The following FREM1 variants were observed in gnomAD, a reference collection of about 807,000 sequenced individuals.
The protein encoded by FREM1 is FRAS1 related extracellular matrix 1.
Under a neutral mutation model 210.1 loss-of-function variants are expected in FREM1, and 220 were observed. That is an observed-to-expected ratio of 1.05 (90% confidence interval 0.94 to 1.17). The LOEUF (loss-of-function observed/expected upper bound fraction) is 1.17. Ranked by LOEUF, FREM1 falls within the 50% of genes most tolerant of loss-of-function variation. FREM1 has a pLI of 0.00. For synonymous variants in FREM1, 1,189 were observed against 980.2 expected, an observed-to-expected ratio of 1.21 and a Z score of -3.98; for missense variants, 3,454 against 2,675.5, an observed-to-expected ratio of 1.29 and a Z score of -6.42.
At chr9:14,814,818 A>C (rs1008454208) in intron 15 of FREM1, among the ~76,000 whole-genome samples, 4 of 152,202 alleles carry the variant, frequency 2.6e-5, no homozygotes, top group African/African-American at 9.6e-5. Flanking sequence ...CTTGTCAAAA[A>C]ATTGGCTGTG....
In FREM1 at chr9:14,792,826, A is replaced by C; in HGVS notation, c.3898T>G (p.Ser1300Ala). The C allele has an allele frequency of 6.2e-7, 1 of 1,603,270 alleles. No homozygotes were observed. Among genetic ancestry groups the C allele is most frequent in the Non-Finnish European group, 8.5e-7 (1 of 1,173,766 alleles). ...ETRIISSAIL[S>A]AIDEDSPREK... ...CTGGGTGAGTCTTCATCTATGGCTGAAAGAATAGCACTGGAAATAATACGA... is the reference window on the plus strand; with the variant it reads ...CTGGGTGAGTCTTCATCTATGGCTGCAAGAATAGCACTGGAAATAATACGA... Residue 1300 changes from serine (S) to alanine (A), a missense_variant, in exon 22 of 37, where the codon TCA (serine) becomes GCA (alanine). Coordinates refer to ENST00000380880, the MANE Select transcript of FREM1 (RefSeq NM_001379081.2).
Position 14,776,090 on chromosome 9 carries a change from T to C in FREM1, c.4556A>G (p.Gln1519Arg), listed in dbSNP as rs1848517239. ...AGGGGAAAGCAGGCCCACGGCCCCT[T>C]GGGCCAGTCTCAACCCCTTGTTCCT... ...VTRNKGLRLA[Q>R]GAVGLLSPDL... The change falls in exon 25 of 37, where the codon CAA becomes CGA. Residue 1519 changes from glutamine to arginine, a missense_variant. Physicochemically the swap from Gln to Arg is conservative, Grantham distance 43. Coordinates refer to ENST00000380880, the MANE Select transcript of FREM1 (RefSeq NM_001379081.2). The C allele has an allele frequency of 6.2e-7, 1 of 1,611,156 alleles. No homozygotes were observed. Among genetic ancestry groups the C allele is most frequent in the African/African-American group, 1.3e-5 (1 of 75,014 alleles).
chr9:14,806,956 C>CA, intron 17 of FREM1, 110 bp from the exon 18 acceptor site: 1 of 567,930 alleles, frequency 1.8e-6, no homozygotes, highest in Non-Finnish European at 3.0e-6. Flanking sequence ...CTCCCACGTG[C>CA]AAAAACATTT....
chr9:14,867,581 G>A (rs1205168965), intron 2 of FREM1, among the ~76,000 whole-genome samples: 1 of 152,196 alleles, frequency 6.6e-6, no homozygotes, highest in African/African-American at 2.4e-5. Flanking sequence ...ATAACTTGAA[G>A]TGTGGTAAAT....
At chr9:14,876,570 G>A (rs541174393) in intron 1 of FREM1, among the ~76,000 whole-genome samples, 61 of 152,262 alleles carry the variant, frequency 4.0e-4, no homozygotes, top group African/African-American at 1.4e-3. Context: ...AATCTTCCAG[G>A]TGCCGTCTGT....
rs149364207 is a variant in FREM1 at position 14,828,641 on chromosome 9, G to GGGGT, written c.1882-3650_1882-3649insACCC. ...GGGAGAAGAACATAAATTGTGGCGG[G>GGGGT]GCGGGGGAGGTGCCGGGGTAGAATG... On this transcript the variant is annotated intron_variant, in intron 10 of 36. Coordinates refer to ENST00000380880, the MANE Select transcript of FREM1 (RefSeq NM_001379081.2). Among the ~76,000 whole-genome samples the GGGGT allele has an allele frequency of 5.3e-4, 66 of 124,850 alleles. 2 individuals carry two copies. Among genetic ancestry groups the GGGGT allele is most frequent in the African/African-American group, 1.7e-3 (57 of 34,334 alleles). 81.9% of individuals were successfully genotyped at this position (124,850 alleles called of 152,430 possible). A position where few individuals can be genotyped will look rare whatever the true frequency, so the allele number is the denominator to read the frequency against.
At position 14,775,773 on chromosome 9, in the gene FREM1, T is replaced by C. The variant is rs779884497; in HGVS notation, c.4857+16A>G. 2 of 1,517,804 alleles carry C rather than the reference T, an allele frequency of 1.3e-6. No homozygotes were observed. Among genetic ancestry groups the C allele is most frequent in the Non-Finnish European group, 1.8e-6 (2 of 1,096,680 alleles). 94.0% of individuals were successfully genotyped at this position (1,517,804 alleles called of 1,614,324 possible). A position where few individuals can be genotyped will look rare whatever the true frequency, so the allele number is the denominator to read the frequency against. On this transcript the variant is annotated intron_variant, in intron 25 of 36. Transcript: ENST00000380880. ...TTTCACATCTCTGGCAAATGAACTG[T>C]GTTTTTCATACTTGCCTGAATGGTG...
At position 14,796,863 on chromosome 9, in the gene FREM1, G is replaced by C. The variant is rs184548254; in HGVS notation, c.3839+635C>G. ...TTCTTTATAAGTTACTCAGTCTTGG[G>C]TATGTCCTTATAGCAGTGTGAGAAC... On this transcript the variant is annotated intron_variant, in intron 21 of 36. Transcript: ENST00000380880. Among the ~76,000 whole-genome samples, 22 of 152,290 alleles carry C rather than the reference G, an allele frequency of 1.4e-4. No homozygotes were observed. In the East Asian group the frequency reaches 3.9e-3, roughly 27 times the overall value.
chr9:14,849,934 AC>A (rs2131363356), intron 6 of FREM1, among the ~76,000 whole-genome samples: 1 of 152,306 alleles, frequency 6.6e-6, no homozygotes, highest in South Asian at 2.1e-4. Flanking sequence ...GGGGCCACAG[AC>A]TATGATGAAA....
chr9:14,825,321 C>G (rs1822133628), intron 10 of FREM1, among the ~76,000 whole-genome samples: 1 of 151,276 alleles, frequency 6.6e-6, no homozygotes, highest in Non-Finnish European at 1.5e-5. Context: ...AACCCCGTCT[C>G]TACGAAAAAT....
Position 14,859,342 on chromosome 9 carries a change from G to T in FREM1, c.472C>A (p.Leu158Met), listed in dbSNP as rs1159973582. 4 of 1,613,752 alleles carry T rather than the reference G, an allele frequency of 2.5e-6. No individual in the cohort carries two copies. The African/African-American group carries it at 5.3e-5, about 22-fold the overall frequency. The part of the protein sequence containing the change: ...NGLSQAIDKN[L>M]LRFDYDRMAS... Reference sequence around the variant, plus strand: ...ATCCTATCATAATCGAATCTGAGCAGATTTTTATCAATCGCTTGGGACAAG... The same window carrying T: ...ATCCTATCATAATCGAATCTGAGCATATTTTTATCAATCGCTTGGGACAAG... Residue 158 changes from leucine to methionine, a missense_variant, in exon 4 of 37, where the codon CTG (leucine) becomes ATG (methionine). Transcript: ENST00000380880.
rs752210067 is a variant in FREM1, at chr9:14,806,824, C to T, written c.3111G>A (p.Glu1037=). 6.2e-7 allele frequency: 1 copy of T among 1,603,394 alleles called. No individual in the cohort carries two copies. Among genetic ancestry groups the T allele is most frequent in the South Asian group, 1.1e-5 (1 of 89,018 alleles). ...TAACAGTAAGGGCTGTTGAGCAGCC[C>T]TCATCTACAACAAACACGGGACCTG... ...IAIGPVFVVD[E]GCSTALTVNH... The change falls in exon 18 of 37, where the codon GAG becomes GAA. Residue 1037 remains glutamate, a synonymous_variant. Transcript: ENST00000380880.
chr9:14,799,395 A>T (rs1293486666), intron 20 of FREM1, among the ~76,000 whole-genome samples: 6 of 152,170 alleles, frequency 3.9e-5, no homozygotes, highest in South Asian at 4.1e-4. Flanking sequence ...TAAAGTTTTT[A>T]AAAAATGTAG....
rs1563930889 is a variant in FREM1, at chr9:14,789,084, C to T, written c.4012G>A (p.Gly1338Ser). The T allele has an allele frequency of 6.2e-7, 1 of 1,600,910 alleles. No homozygotes were observed. Among genetic ancestry groups the T allele is most frequent in the East Asian group, 2.2e-5 (1 of 44,472 alleles). ...ACTTCCTCCTGAGTGCATTTCATGCCAGGGGAGAGAGGAACCCAGTCCCTC... is the reference window on the plus strand; with the variant it reads ...ACTTCCTCCTGAGTGCATTTCATGCTAGGGGAGAGAGGAACCCAGTCCCTC... ...IGRDWVPLSP[G>S]MKCTQEEVDL... Residue 1338 changes from glycine (G) to serine (S), a missense_variant, in exon 23 of 37, where the codon GGC (glycine) becomes AGC (serine). Transcript: ENST00000380880.
chr9:14,875,074 G>A (rs187943376), intron 1 of FREM1, among the ~76,000 whole-genome samples: 48 of 152,236 alleles, frequency 3.2e-4, no homozygotes, highest in African/African-American at 1.1e-3. Context: ...TGGATAACCC[G>A]ACCTTTCTCT....
chr9:14,784,138 A>G (rs1850043620), intron 24 of FREM1: 1 of 426,988 alleles, frequency 2.3e-6, no homozygotes, highest in Non-Finnish European at 4.2e-6. Context: ...ACAACAAGAC[A>G]GTAAAAGAAA....
chr9:14,861,046 CATA>C (rs1564105023), intron 3 of FREM1, among the ~76,000 whole-genome samples: 3 of 75,146 alleles, frequency 4.0e-5, no homozygotes, highest in African/African-American at 2.1e-4. Context: ...TACATATATA[CATA>C]TATACATATA....
intron 14 of FREM1, 50 bp downstream of exon 14, chr9:14,819,184 T>C: frequency 1.5e-6 from 2 of 1,337,798 alleles, no homozygotes; most frequent in African/African-American, 1.5e-5. Flanking sequence ...ACAACTGATC[T>C]AGATAAGAAA....
chr9:14,904,091 G>A (rs1231129571), intron 1 of FREM1, among the ~76,000 whole-genome samples: 1 of 139,684 alleles, frequency 7.2e-6, no homozygotes, highest in Admixed American at 7.5e-5. Flanking sequence ...CTCCAGCCTG[G>A]GTGACAGAGC....
Sources: gnomAD v4.1 joint callset for allele counts (sites outside exome capture counted in the v4.1 genomes callset) on GRCh38, gnomAD v4.1.1 for gene constraint, MANE v1.5 for transcripts, NCBI Gene and HGNC (gene_info 2026-07-23, HGNC 2026-07-21) for gene names.